The following PRAG1 variants were observed in gnomAD, a reference collection of about 807,000 sequenced individuals.
PRAG1 encodes the protein PEAK1 related, kinase-activating pseudokinase 1.
PRAG1 carries 110 observed loss-of-function variants against 95.6 expected under a neutral mutation model. The observed-to-expected ratio is 1.15, with a 90% CI of 0.99 to 1.35. The LOEUF (loss-of-function observed/expected upper bound fraction) is 1.35, where lower values mean the gene tolerates loss of function less well. Among genes scored for constraint, PRAG1 ranks in the 40% most tolerant of loss-of-function variants. PRAG1 has a pLI of 0.00. For missense variants in PRAG1, 2,554 were observed against 1,864.7 expected, an observed-to-expected ratio of 1.37 and a Z score of -6.81; for synonymous variants, 1,052 against 819.4, an observed-to-expected ratio of 1.28 and a Z score of -4.85.
chr8:8,364,548 A>G (rs986030714), intron 3 of PRAG1, among the ~76,000 whole-genome samples: 6 of 152,186 alleles, frequency 3.9e-5, no homozygotes, highest in African/African-American at 7.2e-5. Context: ...GGTCTTAAAA[A>G]TGCTGTGAAT....
intron 3 of PRAG1, among the ~76,000 whole-genome samples, chr8:8,371,668 G>A (rs1274045826): frequency 1.3e-5 from 2 of 152,088 alleles, no homozygotes; most frequent in African/African-American, 4.8e-5. Context: ...CCAGGAGTTC[G>A]AGACCAGCCT....
At chr8:8,333,459 T>G (rs568143672) in intron 4 of PRAG1, among the ~76,000 whole-genome samples, 1 of 152,190 alleles carries the variant, frequency 6.6e-6, no homozygotes, top group East Asian at 1.9e-4. Context: ...GAAGGTGCAC[T>G]AGTTTGGTGT....
At chr8:8,342,277 A>C (rs1047674329) in intron 3 of PRAG1, among the ~76,000 whole-genome samples, 4 of 145,990 alleles carry the variant, frequency 2.7e-5, no homozygotes, top group South Asian at 2.2e-4. Context: ...CATGCAAGCT[A>C]CGCCTCCCGG....
At chr8:8,328,495 GC>G in intron 4 of PRAG1, 34 bp from the exon 5 acceptor site, 1 of 1,605,360 alleles carries the variant, frequency 6.2e-7, no homozygotes, top group Non-Finnish European at 8.5e-7. Context: ...TAAGACCAAG[GC>G]CAGTGCCACT....
At chr8:8,379,426 C>G (rs962303183) in intron 2 of PRAG1, among the ~76,000 whole-genome samples, 8 of 152,188 alleles carry the variant, frequency 5.3e-5, no homozygotes, top group African/African-American at 1.2e-4. Context: ...CCAGGTGATT[C>G]TGAGCTTAAA....
chr8:8,344,801 C>T (rs565327124), intron 3 of PRAG1, among the ~76,000 whole-genome samples: 119 of 152,260 alleles, frequency 7.8e-4, no homozygotes, highest in African/African-American at 2.8e-3. Flanking sequence ...CACAAAATAA[C>T]ACAGTGGGAT....
chr8:8,328,117 T>C lies in PRAG1; in HGVS notation c.2665A>G (p.Ser889Gly), dbSNP rs765941718. Residue 889 changes from serine (S) to glycine (G), a missense_variant, in exon 5 of 6, where the codon AGT becomes GGT. Transcript: ENST00000615670. ...CCTGCTGCCGGAAGCCAGTGGCCAC[T>C]GCCTTTGAAAGCTTTCTCCAGAGGA... ...SDPLEKAFKG[S>G]GHWLPAAGLA... 4 of 1,613,626 alleles carry C rather than the reference T, an allele frequency of 2.5e-6. No individual in the cohort carries two copies. In the South Asian group the frequency reaches 4.4e-5, roughly 18 times the overall value.
chr8:8,374,737 C>G, intron 3 of PRAG1: 2 of 984,660 alleles, frequency 2.0e-6, no homozygotes, highest in Non-Finnish European at 2.4e-6. Context: ...GATGTCTGTT[C>G]TCCATGGTGG....
chr8:8,326,699 A>C (rs1798646732), intron 5 of PRAG1, among the ~76,000 whole-genome samples: 1 of 152,214 alleles, frequency 6.6e-6, no homozygotes. Context: ...GCCTTGAGCT[A>C]GTCACTTAAT....
chr8:8,381,744 GCATCTTGAGCCGACAGGGTGCTGGTT>G lies in PRAG1; in HGVS notation c.-23_3del. 1 of 1,576,796 alleles carries G rather than the reference GCATCTTGAGCCGACAGGGTGCTGGTT, an allele frequency of 6.3e-7. No individual in the cohort carries two copies. Among genetic ancestry groups the G allele is most frequent in the South Asian group, 1.2e-5 (1 of 86,100 alleles). On this transcript the variant is annotated start_lost and start_retained_variant and 5_prime_UTR_variant, in exon 2 of 6. Transcript: ENST00000615670. Reference sequence around the variant, plus strand: ...TCGGGGTTCAGGCAGAGGGTCTGGTGCATCTTGAGCCGACAGGGTGCTGGTTCATCTTGCGCCCGGCTCTCTGGTGC... The same window carrying G: ...TCGGGGTTCAGGCAGAGGGTCTGGTGCATCTTGCGCCCGGCTCTCTGGTGC...
Position 8,342,255 on chromosome 8 carries a change from A to G in PRAG1, c.2163-2620T>C, listed in dbSNP as rs1214529230. 2.1e-5 allele frequency among the ~76,000 whole-genome samples: 3 copies of G among 145,858 alleles called. No individual in the cohort carries two copies. The Admixed American group carries it at 2.1e-4, about 10-fold the overall frequency. ...GTTGCCCAGGCTGGAGTGCAGTGGC[A>G]CCATCTTGGCTCATGCAAGCTACGC... On this transcript the variant is annotated intron_variant, in intron 3 of 5. Transcript: ENST00000615670.
chr8:8,350,237 G>T (rs566078186), intron 3 of PRAG1, among the ~76,000 whole-genome samples: 1 of 152,208 alleles, frequency 6.6e-6, no homozygotes, highest in Non-Finnish European at 1.5e-5. Flanking sequence ...CAGATGTTTG[G>T]GGGTATCCAG....
intron 2 of PRAG1, among the ~76,000 whole-genome samples, 170 bp from the exon 3 acceptor site, chr8:8,378,248 CG>C (rs1800503231): frequency 6.6e-6 from 1 of 152,234 alleles, no homozygotes; most frequent in East Asian, 1.9e-4. Flanking sequence ...CATCTCCCCA[CG>C]GCCCTGTGAT....
At chr8:8,329,227 T>C (rs972779098) in intron 4 of PRAG1, among the ~76,000 whole-genome samples, 4 of 152,040 alleles carry the variant, frequency 2.6e-5, no homozygotes, top group Non-Finnish European at 5.9e-5. Flanking sequence ...ATCCCGTATC[T>C]ACTAAAAATA....
At chr8:8,332,179 TTG>T (rs61051916) in intron 4 of PRAG1, among the ~76,000 whole-genome samples, 29,054 of 146,136 alleles carry the variant, frequency 0.2, 2,937 homozygotes, top group African/African-American at 0.29. Flanking sequence ...TTTTTTTTTT[TTG>T]ATGAAGTTTT....
At chr8:8,363,376 C>G (rs1450297764) in intron 3 of PRAG1, among the ~76,000 whole-genome samples, 1 of 152,158 alleles carries the variant, frequency 6.6e-6, no homozygotes. Flanking sequence ...AATGGACTAT[C>G]ACTCAACTTT....
chr8:8,347,192 G>C (rs1039163611), intron 3 of PRAG1, among the ~76,000 whole-genome samples: 5 of 152,202 alleles, frequency 3.3e-5, no homozygotes, highest in Non-Finnish European at 5.9e-5. Flanking sequence ...GTCCTCATCA[G>C]TGAGGCCTCC....
chr8:8,377,043 C>A lies in PRAG1; in HGVS notation c.1366G>T (p.Ala456Ser). 6.2e-7 allele frequency: 1 copy of A among 1,614,024 alleles called. No homozygotes were observed. The highest frequency in any genetic ancestry group is 8.5e-7 in the Non-Finnish European group (1 of 1,180,030). Residue 456 changes from alanine (A) to serine (S), a missense_variant, in exon 3 of 6, where the codon GCA becomes TCA. Coordinates refer to ENST00000615670, the MANE Select transcript of PRAG1 (RefSeq NM_001080826.3). ...GGGCTGTCCCGGCCCCAGCCAGATG[C>A]TGCTTTCTGGGCCCAGGCATTACCT... The part of the protein sequence containing the change: ...CTGNAWAQKA[A>S]SGWGRDSPDP...
At chr8:8,345,489 G>C (rs1799311395) in intron 3 of PRAG1, among the ~76,000 whole-genome samples, 1 of 152,084 alleles carries the variant, frequency 6.6e-6, no homozygotes, top group African/African-American at 2.4e-5. Context: ...TGACCCTTTT[G>C]CTTAATAGCA....
Sources: gnomAD v4.1 joint callset for allele counts (sites outside exome capture counted in the v4.1 genomes callset) on GRCh38, gnomAD v4.1.1 for gene constraint, MANE v1.5 for transcripts, NCBI Gene and HGNC (gene_info 2026-07-23, HGNC 2026-07-21) for gene names.